The following CCNL1 variants were observed in gnomAD, a reference collection of about 807,000 sequenced individuals.
CCNL1 encodes cyclin-L1.
CCNL1 carries 13 observed loss-of-function variants against 60.6 expected under a neutral mutation model. The observed-to-expected ratio is 0.21, with a 90% confidence interval of 0.14 to 0.34. The LOEUF is 0.34. Ranked by LOEUF, CCNL1 falls within the 10% of genes least tolerant of loss-of-function variation. The pLI, the probability that CCNL1 is intolerant of heterozygous loss-of-function variation, is 1.00. For missense variants in CCNL1, 481 were observed against 664.3 expected (o/e 0.72, Z 3.03); for synonymous variants, 270 against 244.3 (o/e 1.10, Z -0.98).
At chr3:157,151,071 A>G in intron 5 of CCNL1, 1 of 984,682 alleles carries the variant, frequency 1.0e-6, no homozygotes, top group Non-Finnish European at 1.2e-6. Flanking sequence ...CAGATCATTT[A>G]AAAGGTTAAG....
chr3:157,149,221 A>C, intron 10 of CCNL1, 66 bp downstream of exon 10: 1 of 1,283,730 alleles, frequency 7.8e-7, no homozygotes, highest in Non-Finnish European at 1.1e-6. Flanking sequence ...TTCAATTTTT[A>C]AAGAAAAAGC....
chr3:157,159,699 C>G, intron 1 of CCNL1, 93 bp downstream of exon 1: 1 of 1,249,846 alleles, frequency 8.0e-7, no homozygotes, highest in Admixed American at 2.8e-5. Context: ...GGAACCGTCC[C>G]CACCCTCCCG....
At chr3:157,145,464 A>AAAAAAAAAAAAAAAAAAG (rs1737755190), downstream of CCNL1, among the ~76,000 whole-genome samples, 1 of 136,120 alleles carries the variant, frequency 7.3e-6, no homozygotes, top group Non-Finnish European at 1.5e-5. Flanking sequence ...AAAAAAAAAA[A>AAAAAAAAAAAAAAAAAAG]CCAAAACGGG....
At chr3:157,146,603 C>G (rs1277856304), downstream of CCNL1, 4 of 356,766 alleles carry the variant, frequency 1.1e-5, no homozygotes, top group Non-Finnish European at 2.2e-5. Flanking sequence ...AGCAAGACCT[C>G]GTCTCTAAAA....
chr3:157,149,976 G>C lies in CCNL1; in HGVS notation c.881C>G (p.Pro294Arg), dbSNP rs776990233. 1 of 1,589,088 alleles carries C rather than the reference G, an allele frequency of 6.3e-7. No homozygotes were observed. The highest frequency in any genetic ancestry group is 1.8e-5 in the Admixed American group (1 of 54,952). The change falls in exon 8 of 11, where the codon CCA becomes CGA. Residue 294 changes from proline to arginine, a missense_variant and splice_region_variant. Pro to Arg is a moderately radical substitution (Grantham distance 103). Around this residue, in one of 5 missense-constraint regions of CCNL1, gnomAD observed 75 missense variants for 129.6 expected, o/e 0.58. Transcript: ENST00000295926. ...ETLRLYTRKK[P>R]NYELLEKEVE... Reference sequence around the variant, plus strand: ...TTCTTTTTCCAGTAATTCATAGTTTGGCTGTTGGAGGAAAAAAAAGTTAGT... The same window carrying C: ...TTCTTTTTCCAGTAATTCATAGTTTCGCTGTTGGAGGAAAAAAAAGTTAGT...
At chr3:157,159,061 T>G (rs1738846433) in intron 2 of CCNL1, 86 bp from the exon 3 acceptor site, 5 of 857,428 alleles carry the variant, frequency 5.8e-6, no homozygotes, top group Non-Finnish European at 9.4e-6. Flanking sequence ...GGGACAACCT[T>G]TAGTAAAATT....
downstream of CCNL1, among the ~76,000 whole-genome samples, chr3:157,143,998 G>C (rs1737714483): frequency 6.6e-6 from 1 of 152,190 alleles, no homozygotes; most frequent in Non-Finnish European, 1.5e-5. Context: ...ATGACAGACA[G>C]AAATCAGACT....
chr3:157,144,610 G>A (rs1737729176), downstream of CCNL1, among the ~76,000 whole-genome samples: 1 of 152,236 alleles, frequency 6.6e-6, no homozygotes, highest in African/African-American at 2.4e-5. Context: ...GCCTTAGAGT[G>A]AAAGGGATGA....
chr3:157,151,266 C>G, intron 5 of CCNL1: 2 of 985,418 alleles, frequency 2.0e-6, no homozygotes, highest in Middle Eastern at 5.2e-4. Flanking sequence ...TGCTGGGAAG[C>G]CCAGAATATA....
At chr3:157,151,796 T>C in intron 5 of CCNL1, 1 of 1,092,478 alleles carries the variant, frequency 9.2e-7, no homozygotes, top group Non-Finnish European at 1.1e-6. Flanking sequence ...CAGATGGATA[T>C]GGACCACTTC....
At chr3:157,153,247 T>C (rs936081759) in intron 3 of CCNL1, 91 bp from the exon 4 acceptor site, 9 of 1,365,952 alleles carry the variant, frequency 6.6e-6, no homozygotes, top group Non-Finnish European at 9.0e-6. Flanking sequence ...AACCAACTAT[T>C]GGCAACAGAA....
Position 157,148,324 on chromosome 3 carries a change from C to T in CCNL1, c.1498G>A (p.Glu500Lys). The change falls in exon 11 of 11, where the codon GAA (glutamate) becomes AAA (lysine). Residue 500 changes from glutamate (E) to lysine (K), a missense_variant. Physicochemically the swap from Glu to Lys is moderately conservative, Grantham distance 56. Coordinates refer to ENST00000295926, the MANE Select transcript of CCNL1 (RefSeq NM_020307.4). ...HERGHHRDRR[E>K]RSRSFERSHK... ...GACCTCTCAAAGGAGCGAGATCGTT[C>T]ACGCCTGTCCCTATGATGTCCCCTT... 1 of 1,614,210 alleles carries T rather than the reference C, an allele frequency of 6.2e-7. No individual in the cohort carries two copies. The highest frequency in any genetic ancestry group is 1.1e-5 in the South Asian group (1 of 91,084).
intron 10 of CCNL1, chr3:157,148,958 TA>T (rs1166789157): frequency 9.0e-6 from 3 of 333,332 alleles, no homozygotes; most frequent in Admixed American, 4.4e-5. Flanking sequence ...GATTATTGGT[TA>T]TTAATAAGGG....
intron 3 of CCNL1, among the ~76,000 whole-genome samples, chr3:157,155,955 C>T (rs772670958): frequency 7.9e-5 from 12 of 152,134 alleles, no homozygotes; most frequent in East Asian, 1.9e-4. Context: ...CTGATTTATA[C>T]GAGAATTATT....
In CCNL1 at chr3:157,147,722, G is replaced by A; in HGVS notation, c.*519C>T. 1.0e-6 allele frequency: 1 copy of A among 985,064 alleles called. No homozygotes were observed. The highest frequency in any genetic ancestry group is 1.2e-6 in the Non-Finnish European group (1 of 829,640). 61.0% of individuals were successfully genotyped at this position (985,064 alleles called of 1,614,324 possible). ...AATGGAGGAAAGAATAAGTTTGTCA[G>A]AAAACCAGTACAGCCATTTTGCTAT... is the stretch of plus-strand genomic sequence containing the variant. On this transcript the variant is annotated 3_prime_UTR_variant, in exon 11 of 11. Coordinates refer to ENST00000295926, the MANE Select transcript of CCNL1 (RefSeq NM_020307.4).
chr3:157,153,722 T>C (rs1738375144), intron 3 of CCNL1: 1 of 152,294 alleles, frequency 6.6e-6, no homozygotes, highest in East Asian at 1.9e-4. Context: ...TGATTTTTCA[T>C]GCATTCTATA....
chr3:157,151,034 C>G (rs1738152773), intron 5 of CCNL1: 1 of 985,024 alleles, frequency 1.0e-6, no homozygotes, highest in Non-Finnish European at 1.2e-6. Flanking sequence ...CTCCCCACAA[C>G]ATTCCTAAAC....
Position 157,148,553 on chromosome 3 carries a change from G to A in CCNL1, c.1269C>T (p.Ser423=). The A allele has an allele frequency of 6.2e-7, 1 of 1,613,924 alleles. No homozygotes were observed. Reference sequence around the variant, plus strand: ...TGCGGGACCTGCTTCTTGATCTCGAGCTGTATGTTCCAGATCGACTCCGCC... The same window carrying A: ...TGCGGGACCTGCTTCTTGATCTCGAACTGTATGTTCCAGATCGACTCCGCC... The part of the protein sequence containing the change: ...NNRRSRSGTY[S]SRSRSRSRSH... The change falls in exon 11 of 11, where the codon AGC becomes AGT. Residue 423 remains serine, a synonymous_variant. Coordinates refer to ENST00000295926, the MANE Select transcript of CCNL1 (RefSeq NM_020307.4).
In CCNL1 at chr3:157,150,358, C is replaced by T. The variant is rs1560196531; in HGVS notation, c.698G>A (p.Arg233Gln). The T allele has an allele frequency of 6.2e-7, 1 of 1,613,800 alleles. No individual in the cohort carries two copies. Among genetic ancestry groups the T allele is most frequent in the East Asian group, 2.2e-5 (1 of 44,866 alleles). The change falls in exon 6 of 11, where the codon CGA becomes CAA. Residue 233 changes from arginine (R) to glutamine (Q), a missense_variant. By Grantham distance (43) the Arg-to-Gln change is conservative (BLOSUM62 1). Coordinates refer to ENST00000295926, the MANE Select transcript of CCNL1 (RefSeq NM_020307.4). ...TAWNYMNDSLRTNVFVRFQPE... is the reference protein window; with the variant it reads ...TAWNYMNDSLQTNVFVRFQPE... Reference sequence around the variant, plus strand: ...TTGAAATCGAACAAACACATTGGTTCGAAGACTGTCATTCATGTAATTCCT... The same window carrying T: ...TTGAAATCGAACAAACACATTGGTTTGAAGACTGTCATTCATGTAATTCCT...
Sources: gnomAD v4.1 joint callset for allele counts (sites outside exome capture counted in the v4.1 genomes callset) on GRCh38, gnomAD v4.1.1 for gene constraint, gnomAD v4.1.1 regional missense constraint, MANE v1.5 for transcripts, NCBI Gene and HGNC (gene_info 2026-07-23, HGNC 2026-07-21) for gene names.